ZNF454: variants seen among roughly 807,000 people sequenced by gnomAD.
ZNF454 encodes the protein zinc finger protein 454.
ZNF454 carries 30 observed loss-of-function variants against 48.2 expected under a neutral mutation model. The ratio of observed to expected loss-of-function variants is 0.62; its 90% confidence interval spans 0.47 to 0.84. The LOEUF is 0.84. Ranked by LOEUF, ZNF454 falls within the 40% of genes least tolerant of loss-of-function variation. The probability of loss-of-function intolerance (pLI) is 0.00; values close to 1 mark genes in which losing one functional copy is unlikely to be tolerated. For missense variants in ZNF454, 510 were observed against 623.1 expected (o/e 0.82, Z 1.93); for synonymous variants, 204 against 211.4 (o/e 0.97, Z 0.30).
chr5:178,988,983 TG>T, the ZNF454 span: 1 of 1,614,010 alleles, frequency 6.2e-7, no homozygotes, highest in Non-Finnish European at 8.5e-7. The surrounding 1 kb of genome is among the most constrained non-coding windows in gnomAD (Gnocchi z 6.0). Flanking sequence ...CGCCCATCAG[TG>T]GGTTCCATCG....
the ZNF454 span, chr5:178,977,400 C>T: frequency 2.2e-6 from 1 of 456,024 alleles, no homozygotes; most frequent in East Asian, 7.0e-5. Flanking sequence ...AGGCAGCCCT[C>T]ACCAAATCCA....
At chr5:178,981,428 T>A in the ZNF454 span, 3 of 515,560 alleles carry the variant, frequency 5.8e-6, no homozygotes, top group South Asian at 5.2e-5. This position sits in a 1 kb window ranked among gnomAD's most constrained non-coding sequence, Gnocchi z 5.1. Flanking sequence ...TTTCCCACCA[T>A]GGGAAGCGAG....
intron 4 of ZNF454, among the ~76,000 whole-genome samples, chr5:178,952,379 A>T (rs747766587): frequency 9.2e-5 from 14 of 152,114 alleles, no homozygotes; most frequent in Non-Finnish European, 1.8e-4. Flanking sequence ...ACTTTCTACG[A>T]CTTACACATT....
chr5:178,985,481 A>C, the ZNF454 span: 6 of 342,460 alleles, frequency 1.8e-5, no homozygotes, highest in South Asian at 6.7e-5. Context: ...AGGTGGGCGG[A>C]TCACGAGGTC....
intron 4 of ZNF454, among the ~76,000 whole-genome samples, chr5:178,947,472 C>G (rs1213760296): frequency 1.3e-5 from 2 of 152,226 alleles, no homozygotes; most frequent in Admixed American, 6.5e-5. Context: ...GGTTATTTAT[C>G]TTCTACGTTT....
At chr5:178,951,655 C>T (rs1331899314) in intron 4 of ZNF454, among the ~76,000 whole-genome samples, 2 of 152,206 alleles carry the variant, frequency 1.3e-5, no homozygotes, top group African/African-American at 4.8e-5. Context: ...ATATACCTTA[C>T]TTTATCCAGT....
chr5:178,988,972 C>T, the ZNF454 span: 14 of 1,613,896 alleles, frequency 8.7e-6, no homozygotes, highest in South Asian at 1.4e-4. The surrounding 1 kb of genome is among the most constrained non-coding windows in gnomAD (Gnocchi z 6.0). Context: ...GCAGAAGCAT[C>T]CGCCCATCAG....
In ZNF454 at chr5:178,958,968, C is replaced by T. The variant is rs565729477; in HGVS notation, c.251-5687C>T. ...TGTTTCCCACTCTGGATAATGATGT[C>T]ATCTGATAAATAGAAATTCTGAATT... is the stretch of plus-strand genomic sequence containing the variant. On this transcript the variant is annotated intron_variant, in intron 4 of 4. Transcript: ENST00000519564. Among the ~76,000 whole-genome samples the T allele has an allele frequency of 1.6e-4, 24 of 151,718 alleles. No individual in the cohort carries two copies. The South Asian group carries it at 5.0e-3, about 32-fold the overall frequency.
At chr5:178,947,263 G>A (rs1759377878) in intron 4 of ZNF454, among the ~76,000 whole-genome samples, 3 of 152,128 alleles carry the variant, frequency 2.0e-5, no homozygotes, top group Admixed American at 2.0e-4. Context: ...CTTCATCTGG[G>A]CAGTTCTCCC....
At chr5:178,983,225 C>T in the ZNF454 span, 1 of 1,609,710 alleles carries the variant, frequency 6.2e-7, no homozygotes, top group Non-Finnish European at 8.5e-7. Flanking sequence ...CCACCACCTG[C>T]AGGAGCCAAC....
the ZNF454 span, chr5:178,983,566 C>T: frequency 1.5e-5 from 7 of 466,352 alleles, no homozygotes; most frequent in Non-Finnish European, 1.7e-5. Flanking sequence ...TACTGCGCCC[C>T]TTCAAGGTAG....
At chr5:178,983,176 C>T in the ZNF454 span, 953 of 1,613,596 alleles carry the variant, frequency 5.9e-4, 6 homozygotes, top group Admixed American at 2.8e-4. Flanking sequence ...TAGTCAATCA[C>T]GCTGTGTGGG....
rs1759598072 is a variant in ZNF454, at chr5:178,952,470, C to G, written c.250+5484C>G. Among the ~76,000 whole-genome samples, 6 of 152,330 alleles carry G rather than the reference C, an allele frequency of 3.9e-5. No individual in the cohort carries two copies. In the South Asian group the frequency reaches 1.2e-3, roughly 32 times the overall value. On this transcript the variant is annotated intron_variant, in intron 4 of 4. Coordinates refer to ENST00000519564, the MANE Select transcript of ZNF454 (RefSeq NM_001178089.3). Reference sequence around the variant, plus strand: ...CTCTGTCTGTATTTAGGAATCTCTACTTTATCAGTTTGTATGAATGTCCGT... The same window carrying G: ...CTCTGTCTGTATTTAGGAATCTCTAGTTTATCAGTTTGTATGAATGTCCGT...
chr5:178,986,078 G>T, the ZNF454 span: 3 of 1,552,572 alleles, frequency 1.9e-6, no homozygotes, highest in Non-Finnish European at 2.6e-6. Context: ...GCTTTGTAAC[G>T]TTGCGGACAG....
intron 4 of ZNF454, among the ~76,000 whole-genome samples, chr5:178,955,796 G>T (rs1759723380): frequency 6.6e-6 from 1 of 152,178 alleles, no homozygotes; most frequent in Non-Finnish European, 1.5e-5. Context: ...TCTGGGCCAG[G>T]AGCAGAAGAC....
chr5:178,986,607 C>T, the ZNF454 span: 6 of 1,604,096 alleles, frequency 3.7e-6, no homozygotes, highest in Non-Finnish European at 4.2e-6. Flanking sequence ...ACTCGTCCAC[C>T]TGGAAGCGGT....
chr5:178,958,663 C>T lies in ZNF454; in HGVS notation c.251-5992C>T, dbSNP rs192077214. ...TAACAGACAGAGCCAAATAGTTTTC[C>T]GAAGTGGTTATACTAATTTATACTC... is the stretch of plus-strand genomic sequence containing the variant. On this transcript the variant is annotated intron_variant, in intron 4 of 4. Transcript: ENST00000519564. Among the ~76,000 whole-genome samples the T allele has an allele frequency of 2.4e-3, 367 of 152,200 alleles. 1 individual carries two copies. Among genetic ancestry groups the T allele is most frequent in the African/African-American group, 8.5e-3 (353 of 41,530 alleles).
rs780417342 is a variant in ZNF454, at chr5:178,965,606, G to A, written c.1202G>A (p.Arg401Gln). ...KAFRDNSSFA[R>Q]HRKIHTGEKP... ...TTCAGGGATAATTCATCCTTTGCAC[G>A]ACATCGGAAAATTCACACTGGAGAG... is the stretch of plus-strand genomic sequence containing the variant. The change falls in exon 5 of 5, where the codon CGA (arginine) becomes CAA (glutamine). Residue 401 changes from arginine to glutamine, a missense_variant. By Grantham distance (43) the Arg-to-Gln change is conservative. Coordinates refer to ENST00000519564, the MANE Select transcript of ZNF454 (RefSeq NM_001178089.3). This position sits in a 1 kb window ranked among gnomAD's most constrained non-coding sequence, Gnocchi z 5.2. 8.7e-6 allele frequency: 14 copies of A among 1,613,386 alleles called. No individual in the cohort carries two copies. The highest frequency in any genetic ancestry group is 1.2e-5 in the Non-Finnish European group (14 of 1,179,894).
At chr5:178,982,807 T>C in the ZNF454 span, 1 of 813,460 alleles carries the variant, frequency 1.2e-6, no homozygotes, top group South Asian at 1.4e-5. Flanking sequence ...AGCAGCCAGA[T>C]ACGGGATAAA....
Sources: gnomAD v4.1 joint callset for allele counts (sites outside exome capture counted in the v4.1 genomes callset) on GRCh38, gnomAD v4.1.1 for gene constraint, Gnocchi (gnomAD v3.1) non-coding constraint, MANE v1.5 for transcripts, NCBI Gene and HGNC (gene_info 2026-07-23, HGNC 2026-07-21) for gene names.